SRL: variants seen among roughly 807,000 people sequenced by gnomAD.
The protein encoded by SRL is sarcalumenin.
A neutral mutation model predicts 39.5 loss-of-function variants in SRL; 23 were observed. The observed-to-expected ratio is 0.58, with a 90% confidence interval of 0.42 to 0.82. The LOEUF (loss-of-function observed/expected upper bound fraction) is 0.82. Ranked by LOEUF, SRL falls within the 40% of genes least tolerant of loss-of-function variation. The pLI, the probability that SRL is intolerant of heterozygous loss-of-function variation, is 0.00. For missense variants in SRL, 592 were observed against 607.8 expected (o/e 0.97, Z 0.27); for synonymous variants, 272 against 237.4 (o/e 1.15, Z -1.34).
chr16:4,231,305 G>C (rs1480926835), intron 1 of SRL, among the ~76,000 whole-genome samples: 1 of 152,176 alleles, frequency 6.6e-6, no homozygotes, highest in African/African-American at 2.4e-5. Context: ...AACAGAGTGA[G>C]ACCCTGTCTC....
chr16:4,230,190 T>C (rs966963942), intron 1 of SRL, among the ~76,000 whole-genome samples: 4 of 152,084 alleles, frequency 2.6e-5, no homozygotes, highest in African/African-American at 9.7e-5. Context: ...CATCTGTTCA[T>C]TCAACACACT....
At chr16:4,238,788 A>AT (rs111353427) in intron 1 of SRL, among the ~76,000 whole-genome samples, 4,009 of 140,606 alleles carry the variant, frequency 0.029, 139 homozygotes, top group Admixed American at 0.1. Flanking sequence ...ACACCGAGCT[A>AT]TTTTTTTTTT....
At chr16:4,225,691 C>G (rs538690364) in intron 1 of SRL, among the ~76,000 whole-genome samples, 1 of 152,298 alleles carries the variant, frequency 6.6e-6, no homozygotes, top group Non-Finnish European at 1.5e-5. Flanking sequence ...CACCGGCTCC[C>G]TGGCCCAGCC....
chr16:4,215,681 T>C (rs1474726529), intron 1 of SRL, among the ~76,000 whole-genome samples: 1 of 152,146 alleles, frequency 6.6e-6, no homozygotes, highest in Non-Finnish European at 1.5e-5. Context: ...TCTTCTACTC[T>C]TCAATAACAA....
At chr16:4,224,843 C>G (rs922916386) in intron 1 of SRL, among the ~76,000 whole-genome samples, 1 of 152,178 alleles carries the variant, frequency 6.6e-6, no homozygotes, top group Non-Finnish European at 1.5e-5. Flanking sequence ...AACAGCCCGA[C>G]TGTCCATCAG....
Position 4,192,938 on chromosome 16 carries a change from A to G in SRL, c.637T>C (p.Trp213Arg). The G allele has an allele frequency of 6.2e-7, 1 of 1,612,652 alleles. No homozygotes were observed. Among genetic ancestry groups the G allele is most frequent in the Non-Finnish European group, 8.5e-7 (1 of 1,179,336 alleles). ...ATGAGGTCAGCTCTGTCGATGAACC[A>G]CTGGCACACGTCGTTGAAGGGGTAG... ...RGYPFNDVCQ[W>R]FIDRADLIFV... Residue 213 changes from tryptophan (W) to arginine (R), a missense_variant, in exon 6 of 6, where the codon TGG (tryptophan) becomes CGG (arginine). Coordinates refer to ENST00000399609, the MANE Select transcript of SRL (RefSeq NM_001098814.2). This position sits in a 1 kb window ranked among gnomAD's most constrained non-coding sequence, Gnocchi z 4.0.
intron 5 of SRL, 127 bp downstream of exon 5, chr16:4,195,426 G>A (rs955280016): frequency 1.4e-5 from 13 of 935,300 alleles, no homozygotes; most frequent in East Asian, 1.2e-4. Context: ...TTGAACCTCC[G>A]GCCTCAAGGG....
rs1214331435 is a variant in SRL, at chr16:4,190,855, A to T, written c.*1298T>A. On this transcript the variant is annotated 3_prime_UTR_variant, in exon 6 of 6. Coordinates refer to ENST00000399609, the MANE Select transcript of SRL (RefSeq NM_001098814.2). ...GGAATGGAGAAGAAAGGAAAGGAAAAGCCATGGTGTGGAAACTGCAAAGGA... is the reference window on the plus strand; with the variant it reads ...GGAATGGAGAAGAAAGGAAAGGAAATGCCATGGTGTGGAAACTGCAAAGGA... The T allele has an allele frequency of 5.8e-6, 1 of 171,818 alleles. No homozygotes were observed. Among genetic ancestry groups the T allele is most frequent in the African/African-American group, 2.4e-5 (1 of 42,258 alleles). 10.6% of individuals were successfully genotyped at this position (171,818 alleles called of 1,614,324 possible).
intron 1 of SRL, among the ~76,000 whole-genome samples, chr16:4,221,569 T>A (rs1016563229): frequency 6.6e-6 from 1 of 152,156 alleles, no homozygotes; most frequent in Non-Finnish European, 1.5e-5. Flanking sequence ...AGGAGCTTAG[T>A]GGGCCGGCCT....
intron 1 of SRL, among the ~76,000 whole-genome samples, chr16:4,239,375 G>A (rs2052747090): frequency 6.6e-6 from 1 of 152,200 alleles, no homozygotes; most frequent in Non-Finnish European, 1.5e-5. Flanking sequence ...TGGAGGTGGA[G>A]GAAGGATGAG....
In SRL at chr16:4,192,867, C is replaced by T. The variant is rs772397297; in HGVS notation, c.708G>A (p.Leu236=). The T allele has an allele frequency of 1.2e-6, 2 of 1,614,070 alleles. No homozygotes were observed. The highest frequency in any genetic ancestry group is 1.3e-5 in the African/African-American group (1 of 74,922). ...CCTTCAACTGGCGGAAGAGCATCTC[C>T]AGCTCTAGACCCACATCCAGCTTTG... ...DPTKLDVGLE[L]EMLFRQLKGR... The change falls in exon 6 of 6, where the codon CTG becomes CTA. Residue 236 remains leucine (L), a synonymous_variant. Coordinates refer to ENST00000399609, the MANE Select transcript of SRL (RefSeq NM_001098814.2). The surrounding 1 kb of genome is among the most constrained non-coding windows in gnomAD (Gnocchi z 4.0).
intron 3 of SRL, among the ~76,000 whole-genome samples, chr16:4,200,308 C>T (rs1416128065): frequency 6.6e-6 from 1 of 152,168 alleles, no homozygotes; most frequent in Non-Finnish European, 1.5e-5. Context: ...ATCTTAACAC[C>T]GGCCCAGGCG....
At chr16:4,238,586 T>TAAACAGCAGTTCCA (rs1337599384) in intron 1 of SRL, among the ~76,000 whole-genome samples, 1 of 151,588 alleles carries the variant, frequency 6.6e-6, no homozygotes, top group Admixed American at 6.6e-5. Context: ...CAGCAGTTCC[T>TAAACAGCAGTTCCA]AAACAGCAGT....
chr16:4,211,315 G>C (rs371346260), intron 1 of SRL, among the ~76,000 whole-genome samples: 5 of 152,336 alleles, frequency 3.3e-5, no homozygotes, highest in South Asian at 2.1e-4. Flanking sequence ...CCCACGTTGG[G>C]GGGGGTCTCC....
chr16:4,237,848 G>A (rs769272903), intron 1 of SRL, among the ~76,000 whole-genome samples: 2 of 151,944 alleles, frequency 1.3e-5, no homozygotes, highest in African/African-American at 2.4e-5. Flanking sequence ...TTTCTGATCC[G>A]ATCCACTCAG....
rs1469720305 is a variant in SRL at position 4,192,940 on chromosome 16, T to G, written c.635A>C (p.Gln212Pro). 6.2e-7 allele frequency: 1 copy of G among 1,612,322 alleles called. No homozygotes were observed. The highest frequency in any genetic ancestry group is 1.1e-5 in the South Asian group (1 of 91,068). The change falls in exon 6 of 6, where the codon CAG becomes CCG. Residue 212 changes from glutamine (Q) to proline (P), a missense_variant. Coordinates refer to ENST00000399609, the MANE Select transcript of SRL (RefSeq NM_001098814.2). This position sits in a 1 kb window ranked among gnomAD's most constrained non-coding sequence, Gnocchi z 4.0. ...ERGYPFNDVCQWFIDRADLIF... is the reference protein window; with the variant it reads ...ERGYPFNDVCPWFIDRADLIF... ...GAGGTCAGCTCTGTCGATGAACCAC[T>G]GGCACACGTCGTTGAAGGGGTAGCC...
chr16:4,226,183 C>T (rs2052586058), intron 1 of SRL, among the ~76,000 whole-genome samples: 1 of 152,178 alleles, frequency 6.6e-6, no homozygotes, highest in South Asian at 2.1e-4. Context: ...TTTTCTCCAT[C>T]GCATCTACCA....
intron 1 of SRL, among the ~76,000 whole-genome samples, chr16:4,229,977 C>T (rs1206109288): frequency 6.6e-6 from 1 of 152,056 alleles, no homozygotes; most frequent in Admixed American, 6.5e-5. Flanking sequence ...CAGCTTCTTG[C>T]TCCCTTACTC....
chr16:4,241,293 G>A (rs2052769808), intron 1 of SRL, among the ~76,000 whole-genome samples: 1 of 152,098 alleles, frequency 6.6e-6, no homozygotes, highest in African/African-American at 2.4e-5. Flanking sequence ...TAACCCCCAT[G>A]CTGCAACCCA....
Sources: gnomAD v4.1 joint callset for allele counts (sites outside exome capture counted in the v4.1 genomes callset) on GRCh38, gnomAD v4.1.1 for gene constraint, Gnocchi (gnomAD v3.1) non-coding constraint, MANE v1.5 for transcripts, NCBI Gene and HGNC (gene_info 2026-07-23, HGNC 2026-07-21) for gene names.